The following ATP9A variants were observed in gnomAD, a reference collection of about 807,000 sequenced individuals.
ATP9A encodes the protein ATPase phospholipid transporting 9A, also known as probable phospholipid-transporting ATPase IIA.
In ATP9A, 52 loss-of-function variants were observed where a neutral mutation model predicts 144.1. The ratio of observed to expected loss-of-function variants is 0.36; its 90% CI spans 0.29 to 0.45. The LOEUF (loss-of-function observed/expected upper bound fraction) is 0.45, where lower values mean the gene tolerates loss of function less well. ATP9A is among the 20% of genes least tolerant of loss of function. The pLI is 1.00. For missense variants in ATP9A, 947 were observed against 1,392.7 expected (o/e 0.68, Z 5.09); for synonymous variants, 582 against 557.4 (o/e 1.04, Z -0.62).
chr20:51,726,604 G>A (rs2077714373), intron 2 of ATP9A, among the ~76,000 whole-genome samples: 1 of 152,046 alleles, frequency 6.6e-6, no homozygotes, highest in Admixed American at 6.6e-5. Context: ...TTTGAGACCA[G>A]GTCTCGCTCT....
chr20:51,650,455 A>G (rs2077359055), intron 14 of ATP9A, among the ~76,000 whole-genome samples: 1 of 151,578 alleles, frequency 6.6e-6, no homozygotes, highest in Admixed American at 6.6e-5. Flanking sequence ...AATCACTTGA[A>G]CCCAGGAGAC....
intron 2 of ATP9A, among the ~76,000 whole-genome samples, chr20:51,726,538 A>C (rs1005160436): frequency 2.0e-5 from 3 of 152,024 alleles, no homozygotes; most frequent in Non-Finnish European, 4.4e-5. Flanking sequence ...TCTAACATGG[A>C]GGGGCACACA....
chr20:51,695,070 G>A (rs541008097), intron 6 of ATP9A, among the ~76,000 whole-genome samples: 29 of 152,104 alleles, frequency 1.9e-4, no homozygotes, highest in African/African-American at 5.8e-4. Context: ...AATGAAATAC[G>A]TTGCAGCATC....
At chr20:51,695,841 T>A (rs1399634277) in intron 6 of ATP9A, among the ~76,000 whole-genome samples, 3 of 152,204 alleles carry the variant, frequency 2.0e-5, no homozygotes, top group Admixed American at 6.5e-5. Flanking sequence ...CCAAAGCCAC[T>A]GTATGCGTGA....
chr20:51,638,092 T>C (rs2077301858), intron 15 of ATP9A, among the ~76,000 whole-genome samples: 1 of 45,386 alleles, frequency 2.2e-5, no homozygotes. Flanking sequence ...TATATATATA[T>C]ATATATATAT....
intron 13 of ATP9A, among the ~76,000 whole-genome samples, chr20:51,665,676 A>ATC: frequency 6.6e-6 from 1 of 151,992 alleles, no homozygotes. Context: ...GTAAGCCAAG[A>ATC]TAGCACCACT....
At chr20:51,625,745 C>G (rs978241265) in intron 17 of ATP9A, among the ~76,000 whole-genome samples, 5 of 152,248 alleles carry the variant, frequency 3.3e-5, no homozygotes, top group African/African-American at 1.2e-4. Flanking sequence ...ACTTTGTAAG[C>G]CAAACTGTGG....
In ATP9A at chr20:51,599,118, A is replaced by G. The variant is rs2077131608; in HGVS notation, c.*2093T>C. 1 of 152,168 alleles carries G rather than the reference A, an allele frequency of 6.6e-6. No individual in the cohort carries two copies. The allele number at this position is 152,168 out of a possible 1,614,324, so 9.4% of individuals were successfully genotyped here. ...CCATCTTCATTCTGCTTCTGCTGGA[A>G]ACCTCTAAAACTTTCTGACGAGGCT... On this transcript the variant is annotated 3_prime_UTR_variant, in exon 28 of 28. Coordinates refer to ENST00000338821, the MANE Select transcript of ATP9A (RefSeq NM_006045.3).
At chr20:51,619,101 A>G in intron 19 of ATP9A, 58 bp from the exon 20 acceptor site, 1 of 1,489,166 alleles carries the variant, frequency 6.7e-7, no homozygotes, top group Non-Finnish European at 9.3e-7. Flanking sequence ...ATAGAACAAC[A>G]AACAGTGGCT....
chr20:51,705,982 T>G (rs2077613100), intron 4 of ATP9A, among the ~76,000 whole-genome samples: 1 of 152,228 alleles, frequency 6.6e-6, no homozygotes, highest in African/African-American at 2.4e-5. Context: ...AGAACTGCTC[T>G]TAAGTCTCTG....
intron 1 of ATP9A, among the ~76,000 whole-genome samples, chr20:51,737,486 G>T (rs1395698870): frequency 6.6e-6 from 1 of 152,120 alleles, no homozygotes; most frequent in African/African-American, 2.4e-5. Flanking sequence ...CTTTGCACAC[G>T]TGTGGGGCCC....
chr20:51,604,339 G>A (rs2077154821), intron 27 of ATP9A, among the ~76,000 whole-genome samples: 1 of 152,190 alleles, frequency 6.6e-6, no homozygotes, highest in Non-Finnish European at 1.5e-5. Flanking sequence ...GTGAGGAGCA[G>A]CAGATTGTAT....
chr20:51,697,754 C>G (rs2077576739), intron 4 of ATP9A, among the ~76,000 whole-genome samples: 1 of 152,100 alleles, frequency 6.6e-6, no homozygotes, highest in South Asian at 2.1e-4. Context: ...TTCAGAGTGA[C>G]TTAGATGGAA....
At chr20:51,686,964 G>A in intron 9 of ATP9A, among the ~76,000 whole-genome samples, 1 of 148,174 alleles carries the variant, frequency 6.7e-6, no homozygotes. Flanking sequence ...AACTTACAAA[G>A]AAACAAAAGA....
intron 4 of ATP9A, among the ~76,000 whole-genome samples, chr20:51,706,294 T>C (rs2077614388): frequency 6.6e-6 from 1 of 152,254 alleles, no homozygotes; most frequent in Non-Finnish European, 1.5e-5. Flanking sequence ...CAAACAAGCC[T>C]GGGTTCACAT....
At chr20:51,742,928 G>A (rs1284114593) in intron 1 of ATP9A, among the ~76,000 whole-genome samples, 1 of 152,220 alleles carries the variant, frequency 6.6e-6, no homozygotes, top group African/African-American at 2.4e-5. Flanking sequence ...CTTGCTAAAT[G>A]TCTCAATGTG....
chr20:51,721,953 T>C (rs541816127), intron 3 of ATP9A, among the ~76,000 whole-genome samples: 15 of 152,154 alleles, frequency 9.9e-5, no homozygotes, highest in Non-Finnish European at 1.3e-4. Context: ...TATAAGGCCA[T>C]AGTCACCAAA....
intron 6 of ATP9A, among the ~76,000 whole-genome samples, chr20:51,694,308 CT>C (rs1395738880): frequency 3.3e-5 from 5 of 152,172 alleles, no homozygotes; most frequent in Admixed American, 2.6e-4. Context: ...CCGCCACTCC[CT>C]CTGAGTGGGA....
At chr20:51,679,390 T>G (rs112070004) in intron 9 of ATP9A, among the ~76,000 whole-genome samples, 1 of 152,304 alleles carries the variant, frequency 6.6e-6, no homozygotes, top group African/African-American at 2.4e-5. Context: ...CTGATGACAC[T>G]GAGTCCACGT....
Sources: allele counts gnomAD v4.1 joint callset (sites outside exome capture counted in the v4.1 genomes callset), GRCh38; gene constraint gnomAD v4.1.1; transcripts MANE v1.5; gene names NCBI Gene and HGNC (gene_info 2026-07-23, HGNC 2026-07-21).